The following SOX5 variants were observed in gnomAD, a reference collection of about 807,000 sequenced individuals.
SOX5 encodes transcription factor SOX-5.
SOX5 carries 9 observed loss-of-function variants against 92.0 expected under a neutral mutation model. The observed-to-expected ratio is 0.10, with a 90% CI of 0.06 to 0.17. The LOEUF (loss-of-function observed/expected upper bound fraction) is 0.17, where lower values mean the gene tolerates loss of function less well. Ranked by LOEUF, SOX5 falls within the 10% of genes least tolerant of loss-of-function variation. The pLI is 1.00. For synonymous variants in SOX5, 344 were observed against 336.3 expected, an observed-to-expected ratio of 1.02 and a Z score of -0.25; for missense variants, 642 against 944.5, an observed-to-expected ratio of 0.68 and a Z score of 4.20.
At chr12:24,432,895 T>A (rs1169401093) in intron 1 of SOX5, among the ~76,000 whole-genome samples, 4 of 152,186 alleles carry the variant, frequency 2.6e-5, no homozygotes, top group African/African-American at 7.2e-5. Context: ...CTTATTTTTT[T>A]AAAAACAAAA....
At chr12:24,373,798 C>T (rs969905188) in intron 1 of SOX5, among the ~76,000 whole-genome samples, 1 of 152,162 alleles carries the variant, frequency 6.6e-6, no homozygotes, top group Non-Finnish European at 1.5e-5. Context: ...ATGCTACTTT[C>T]TGAAATATTT....
intron 9 of SOX5, among the ~76,000 whole-genome samples, chr12:23,579,173 T>C (rs1485326991): frequency 1.3e-5 from 2 of 152,178 alleles, no homozygotes; most frequent in African/African-American, 2.4e-5. Context: ...TGCTGAAAGA[T>C]AACTATTCAA....
chr12:24,116,538 A>T (rs542560786), intron 4 of SOX5, among the ~76,000 whole-genome samples: 3 of 152,244 alleles, frequency 2.0e-5, no homozygotes, highest in African/African-American at 7.2e-5. Context: ...TCACTGACAA[A>T]GTCACAGTAC....
At chr12:23,735,598 C>T (rs1179821799) in intron 5 of SOX5, among the ~76,000 whole-genome samples, 1 of 152,152 alleles carries the variant, frequency 6.6e-6, no homozygotes, top group African/African-American at 2.4e-5. Flanking sequence ...CATATGTAAG[C>T]CAAGTGCTTC....
chr12:24,119,040 T>A, intron 4 of SOX5, among the ~76,000 whole-genome samples: 1 of 149,526 alleles, frequency 6.7e-6, no homozygotes, highest in East Asian at 1.9e-4. Flanking sequence ...AAATGAGGAA[T>A]ATTTTTTTTA....
intron 4 of SOX5, among the ~76,000 whole-genome samples, chr12:23,978,061 A>C (rs1489373822): frequency 6.6e-6 from 1 of 152,224 alleles, no homozygotes; most frequent in Non-Finnish European, 1.5e-5. Context: ...CTTACTGGAG[A>C]AAAACGTATC....
At chr12:23,877,007 AG>A (rs1303251198) in intron 2 of SOX5, among the ~76,000 whole-genome samples, 1 of 151,950 alleles carries the variant, frequency 6.6e-6, no homozygotes, top group East Asian at 1.9e-4. Context: ...GTCAGGGGCA[AG>A]GGGAGGGACA....
intron 4 of SOX5, among the ~76,000 whole-genome samples, chr12:23,974,769 T>A (rs927875676): frequency 6.6e-6 from 1 of 152,088 alleles, no homozygotes; most frequent in Non-Finnish European, 1.5e-5. Context: ...AACAAATAAT[T>A]AGTGATGATG....
chr12:23,996,202 T>C (rs1443442838), intron 4 of SOX5, among the ~76,000 whole-genome samples: 1 of 152,212 alleles, frequency 6.6e-6, no homozygotes, highest in Non-Finnish European at 1.5e-5. Context: ...CCTTGGATTG[T>C]TACATGATTC....
chr12:24,436,231 G>A (rs752938833), intron 1 of SOX5, among the ~76,000 whole-genome samples: 10 of 152,206 alleles, frequency 6.6e-5, no homozygotes, highest in Non-Finnish European at 1.3e-4. Context: ...TAGTGAGGAA[G>A]GCATGTCAAA....
At chr12:23,856,504 G>A (rs908839117) in intron 2 of SOX5, among the ~76,000 whole-genome samples, 1 of 152,022 alleles carries the variant, frequency 6.6e-6, no homozygotes, top group Non-Finnish European at 1.5e-5. Flanking sequence ...TTTAACATAT[G>A]ATGAAATTAA....
At chr12:23,620,272 G>C (rs1356669353) in intron 8 of SOX5, among the ~76,000 whole-genome samples, 1 of 152,140 alleles carries the variant, frequency 6.6e-6, no homozygotes, top group African/African-American at 2.4e-5. Context: ...TACAAAGGTA[G>C]ATGGGAATAT....
chr12:24,277,836 A>G (rs144125755), intron 2 of SOX5, among the ~76,000 whole-genome samples: 2 of 152,180 alleles, frequency 1.3e-5, no homozygotes, highest in Admixed American at 1.3e-4. Flanking sequence ...TAAACATATA[A>G]CAGCAATGGT....
chr12:24,055,167 C>A (rs114717464), intron 4 of SOX5, among the ~76,000 whole-genome samples: 2 of 152,138 alleles, frequency 1.3e-5, no homozygotes, highest in African/African-American at 4.8e-5. Flanking sequence ...AGCAGGAGAA[C>A]GTTTCATCCC....
intron 1 of SOX5, among the ~76,000 whole-genome samples, chr12:24,465,666 G>A (rs757837341): frequency 2.0e-5 from 3 of 152,212 alleles, no homozygotes; most frequent in Non-Finnish European, 4.4e-5. Context: ...AGTCTCAGAA[G>A]TGAAGGAAAA....
intron 11 of SOX5, among the ~76,000 whole-genome samples, chr12:23,552,397 T>TAACTTA (rs1944373511): frequency 1.3e-5 from 2 of 151,840 alleles, no homozygotes; most frequent in Admixed American, 6.6e-5. Context: ...AATAATTGCT[T>TAACTTA]GGACTTAACT....
chr12:23,901,822 C>G (rs2097236713), intron 1 of SOX5, among the ~76,000 whole-genome samples: 1 of 152,156 alleles, frequency 6.6e-6, no homozygotes, highest in Non-Finnish European at 1.5e-5. Context: ...AACCAGCAAC[C>G]CTCTGATTAT....
At chr12:23,709,599 T>C (rs1303694990) in intron 6 of SOX5, among the ~76,000 whole-genome samples, 8 of 152,184 alleles carry the variant, frequency 5.3e-5, no homozygotes, top group Admixed American at 2.6e-4. Context: ...GGAGCAAATA[T>C]AGAAAGTACA....
chr12:24,026,599 C>CAA (rs5797058), intron 4 of SOX5, among the ~76,000 whole-genome samples: 1 of 123,820 alleles, frequency 8.1e-6, no homozygotes, highest in Non-Finnish European at 1.7e-5. Flanking sequence ...GAAAAAAAAG[C>CAA]AAAAAAAAAA....
Sources: gnomAD v4.1 joint callset for allele counts (sites outside exome capture counted in the v4.1 genomes callset) on GRCh38, gnomAD v4.1.1 for gene constraint, MANE v1.5 for transcripts, NCBI Gene and HGNC (gene_info 2026-07-23, HGNC 2026-07-21) for gene names.